The following CES5A variants were observed in gnomAD, a reference collection of about 807,000 sequenced individuals.
CES5A encodes the protein carboxylesterase 5A.
In CES5A, 67 loss-of-function variants were observed where a neutral mutation model predicts 62.9. The observed-to-expected ratio is 1.07, with a 90% confidence interval of 0.88 to 1.31. The LOEUF (loss-of-function observed/expected upper bound fraction) is 1.31, where lower values mean the gene tolerates loss of function less well. Ranked by LOEUF, CES5A falls within the 50% of genes most tolerant of loss-of-function variation. The probability of loss-of-function intolerance (pLI) is 0.00; values close to 1 mark genes in which losing one functional copy is unlikely to be tolerated. For synonymous variants in CES5A, 296 were observed against 280.8 expected (o/e 1.05, Z -0.54); for missense variants, 748 against 708.5 (o/e 1.06, Z -0.63).
intron 11 of CES5A, 138 bp downstream of exon 11, chr16:55,849,486 T>C: frequency 1.1e-6 from 1 of 918,588 alleles, no homozygotes; most frequent in Non-Finnish European, 1.7e-6. Context: ...AGGGAGGGCA[T>C]TTTCCAGAGA....
At position 55,866,268 on chromosome 16, in the gene CES5A, C is replaced by T. The variant is rs116793204; in HGVS notation, c.552-152G>A. ...GGAGCTGGGGAAACCGGACTCAGTTCTCACACTTTGCTGAGATTTGGATTT... is the reference window on the plus strand; with the variant it reads ...GGAGCTGGGGAAACCGGACTCAGTTTTCACACTTTGCTGAGATTTGGATTT... On this transcript the variant is annotated intron_variant, in intron 4 of 12. Transcript: ENST00000290567. The T allele has an allele frequency of 8.6e-4, 536 of 622,440 alleles. 3 individuals are homozygous for T. In the African/African-American group the frequency reaches 9.1e-3, roughly 11 times the overall value. 38.6% of individuals were successfully genotyped at this position (622,440 alleles called of 1,614,324 possible).
upstream of CES5A, among the ~76,000 whole-genome samples, chr16:55,875,755 C>T (rs1372728470): frequency 3.9e-5 from 6 of 152,344 alleles, no homozygotes; most frequent in Non-Finnish European, 7.3e-5. Context: ...GGTCTACAGC[C>T]TCCTTGGCAA....
chr16:55,892,862 A>G (rs1049558011), intron 1 of CES5A, among the ~76,000 whole-genome samples: 2 of 152,192 alleles, frequency 1.3e-5, no homozygotes, highest in South Asian at 2.1e-4. Context: ...ATAAATATAT[A>G]TGAGTGCAGT....
intron 2 of CES5A, among the ~76,000 whole-genome samples, chr16:55,941,015 A>G (rs1468503257): frequency 6.6e-6 from 1 of 152,036 alleles, no homozygotes; most frequent in East Asian, 1.9e-4. Context: ...TCTGACAAAG[A>G]ACAAATGTAA....
At chr16:55,857,237 T>C (rs1399383189) in intron 8 of CES5A, among the ~76,000 whole-genome samples, 3 of 152,200 alleles carry the variant, frequency 2.0e-5, no homozygotes, top group African/African-American at 4.8e-5. Flanking sequence ...ATCTGTAAGA[T>C]GGAGTTTGCA....
chr16:55,854,282 C>T (rs1407053672), intron 9 of CES5A, among the ~76,000 whole-genome samples: 4 of 152,124 alleles, frequency 2.6e-5, no homozygotes, highest in Non-Finnish European at 4.4e-5. Context: ...ATTCCTCTTG[C>T]ACTTTCCCGC....
At chr16:55,947,617 T>C (rs1293309502) in intron 2 of CES5A, among the ~76,000 whole-genome samples, 2 of 152,082 alleles carry the variant, frequency 1.3e-5, no homozygotes, top group Non-Finnish European at 2.9e-5. Flanking sequence ...AGATGGTTAG[T>C]GCCAAAGTTG....
chr16:55,898,009 T>G (rs2033951878), intron 1 of CES5A, among the ~76,000 whole-genome samples: 1 of 152,178 alleles, frequency 6.6e-6, no homozygotes, highest in Admixed American at 6.5e-5. Flanking sequence ...AATGTAAAGT[T>G]GAAAAACAGT....
intron 1 of CES5A, among the ~76,000 whole-genome samples, chr16:55,880,446 C>T (rs534146732): frequency 6.6e-5 from 10 of 152,126 alleles, no homozygotes; most frequent in Non-Finnish European, 1.2e-4. Flanking sequence ...TCAGGAACAC[C>T]CCCTCGTCTC....
chr16:55,897,492 A>G (rs1303752709), intron 1 of CES5A, among the ~76,000 whole-genome samples: 1 of 152,182 alleles, frequency 6.6e-6, no homozygotes. Flanking sequence ...TTGTCAGTCA[A>G]CACCCAAACC....
chr16:55,879,642 C>T (rs1597132280), upstream of CES5A, among the ~76,000 whole-genome samples: 1 of 152,156 alleles, frequency 6.6e-6, no homozygotes, highest in Non-Finnish European at 1.5e-5. Flanking sequence ...GACAGTGTCT[C>T]TCTGTCACCC....
chr16:55,945,414 A>G (rs2142482918), intron 2 of CES5A, among the ~76,000 whole-genome samples: 1 of 152,376 alleles, frequency 6.6e-6, no homozygotes, highest in South Asian at 2.1e-4. Flanking sequence ...TTCTTACAGA[A>G]AGTGAGCAGC....
Position 55,866,019 on chromosome 16 carries a change from G to C in CES5A, c.649C>G (p.Pro217Ala). 1 of 1,614,172 alleles carries C rather than the reference G, an allele frequency of 6.2e-7. No homozygotes were observed. The highest frequency in any genetic ancestry group is 8.5e-7 in the Non-Finnish European group (1 of 1,180,032). ...QKNIEFFGGDPSSVTIFGESA... is the reference protein window; with the variant it reads ...QKNIEFFGGDASSVTIFGESA... ...TCGCCAAAGATGGTCACAGAGCTGG[G>C]GTCCCCACCGAAGAACTCGATGTTC... Residue 217 changes from proline to alanine, a missense_variant, in exon 5 of 13, where the codon CCC becomes GCC. Pro to Ala is a conservative substitution (Grantham distance 27, BLOSUM62 -1). Transcript: ENST00000290567.
chr16:55,918,526 T>C (rs1179575362), intron 1 of CES5A, among the ~76,000 whole-genome samples: 1 of 152,212 alleles, frequency 6.6e-6, no homozygotes, highest in East Asian at 1.9e-4. Flanking sequence ...TACCAACTTC[T>C]TATCATTTCC....
intron 2 of CES5A, among the ~76,000 whole-genome samples, chr16:55,940,799 A>G (rs1943470364): frequency 6.6e-6 from 1 of 151,968 alleles, no homozygotes. Flanking sequence ...TTAAAAAAAC[A>G]CATACACAAC....
At chr16:55,899,131 C>A (rs1324314030) in intron 1 of CES5A, among the ~76,000 whole-genome samples, 1 of 152,130 alleles carries the variant, frequency 6.6e-6, no homozygotes, top group Non-Finnish European at 1.5e-5. Flanking sequence ...TATCTGGAGA[C>A]CTTTCTGTTT....
chr16:55,918,544 G>A (rs1165796572), intron 1 of CES5A, among the ~76,000 whole-genome samples: 2 of 152,074 alleles, frequency 1.3e-5, no homozygotes, highest in Non-Finnish European at 2.9e-5. Context: ...TCCCACATAT[G>A]GCACTATATA....
rs1222808819 is a variant in CES5A, at chr16:55,846,816, A to G, written c.1448T>C (p.Leu483Ser). The change falls in exon 12 of 13, where the codon TTA (leucine) becomes TCA (serine). Residue 483 changes from leucine (L) to serine (S), a missense_variant. Transcript: ENST00000290567. ...GTATTTCATCATCTTCCGGCTCAGTAACTTCTCCTCCTCCGTGGCTCCTTC... is the reference window on the plus strand; with the variant it reads ...GTATTTCATCATCTTCCGGCTCAGTGACTTCTCCTCCTCCGTGGCTCCTTC... ...MFEGATEEEK[L>S]LSRKMMKYWA... The G allele has an allele frequency of 1.9e-6, 3 of 1,614,094 alleles. No homozygotes were observed. In the South Asian group the frequency reaches 3.3e-5, roughly 18 times the overall value.
chr16:55,905,704 A>G (rs1256698254), intron 1 of CES5A, among the ~76,000 whole-genome samples: 1 of 152,112 alleles, frequency 6.6e-6, no homozygotes, highest in Non-Finnish European at 1.5e-5. Flanking sequence ...CGCCCAGAGC[A>G]AGCCCCAGTT....
Sources: gnomAD v4.1 joint callset for allele counts (sites outside exome capture counted in the v4.1 genomes callset) on GRCh38, gnomAD v4.1.1 for gene constraint, MANE v1.5 for transcripts, NCBI Gene and HGNC (gene_info 2026-07-23, HGNC 2026-07-21) for gene names.